The following PKIG variants were observed in gnomAD, a reference collection of about 807,000 sequenced individuals.
PKIG encodes protein kinase (cAMP-dependent, catalytic) inhibitor gamma.
In PKIG, 1 loss-of-function variant was observed where a neutral mutation model predicts 6.8. The ratio of observed to expected loss-of-function variants is 0.15; its 90% CI spans 0.05 to 0.69. The LOEUF (loss-of-function observed/expected upper bound fraction) is 0.69. Among genes scored for constraint, PKIG ranks in the 30% least tolerant of loss-of-function variants. The pLI is 0.82. For synonymous variants in PKIG, 39 were observed against 43.0 expected (o/e 0.91, Z 0.36); for missense variants, 77 against 104.0 (o/e 0.74, Z 1.13).
At chr20:44,547,298 TAGAG>T (rs970620027) in intron 1 of PKIG, among the ~76,000 whole-genome samples, 1 of 152,098 alleles carries the variant, frequency 6.6e-6, no homozygotes, top group Non-Finnish European at 1.5e-5. Context: ...TAAGCAAAAG[TAGAG>T]AGAATGGTAT....
intron 2 of PKIG, among the ~76,000 whole-genome samples, chr20:44,613,445 C>G (rs573920572): frequency 3.3e-5 from 5 of 152,280 alleles, no homozygotes; most frequent in African/African-American, 1.2e-4. Flanking sequence ...TTCTGAGCTC[C>G]AGCCTCCTAG....
chr20:44,615,397 C>T (rs751579037), intron 3 of PKIG, among the ~76,000 whole-genome samples: 5 of 152,258 alleles, frequency 3.3e-5, no homozygotes, highest in African/African-American at 4.8e-5. Flanking sequence ...TAAATGTGAG[C>T]GCCGGGAGGG....
chr20:44,540,074 C>T (rs1002514729), intron 1 of PKIG, among the ~76,000 whole-genome samples: 1 of 152,108 alleles, frequency 6.6e-6, no homozygotes, highest in Non-Finnish European at 1.5e-5. Context: ...TATTCTCCTG[C>T]CTCAGCCTCC....
intron 2 of PKIG, among the ~76,000 whole-genome samples, chr20:44,611,631 C>T (rs1190352782): frequency 2.6e-5 from 4 of 151,954 alleles, no homozygotes; most frequent in Admixed American, 1.3e-4. Flanking sequence ...ATTCTCCTGC[C>T]TCAGCCTCCT....
At chr20:44,578,843 T>G (rs946359766), upstream of PKIG, among the ~76,000 whole-genome samples, 1 of 152,128 alleles carries the variant, frequency 6.6e-6, no homozygotes, top group Non-Finnish European at 1.5e-5. Context: ...CTCATAGAGA[T>G]CCTTATGGGG....
chr20:44,574,798 G>C (rs1157277698), intron 1 of PKIG, among the ~76,000 whole-genome samples: 3 of 151,990 alleles, frequency 2.0e-5, no homozygotes, highest in African/African-American at 7.3e-5. Context: ...TCGAACTCCT[G>C]ACCTCAGGTG....
intron 3 of PKIG, among the ~76,000 whole-genome samples, chr20:44,616,225 C>T (rs1298698797): frequency 1.3e-5 from 2 of 152,156 alleles, no homozygotes; most frequent in Middle Eastern, 3.2e-3. Context: ...ACCGCAGTAC[C>T]CCTCCCAGAC....
chr20:44,563,972 A>T (rs2064789701), intron 1 of PKIG, among the ~76,000 whole-genome samples: 1 of 152,254 alleles, frequency 6.6e-6, no homozygotes, highest in African/African-American at 2.4e-5. Context: ...ATATTTTTAT[A>T]CATAGTCAAA....
intron 1 of PKIG, among the ~76,000 whole-genome samples, chr20:44,558,004 T>C (rs1030582435): frequency 1.3e-5 from 2 of 151,692 alleles, no homozygotes; most frequent in African/African-American, 4.9e-5. Flanking sequence ...TTCTATAAGA[T>C]AACCCCCATA....
intron 2 of PKIG, among the ~76,000 whole-genome samples, chr20:44,605,002 A>G (rs972626014): frequency 5.3e-5 from 8 of 152,108 alleles, no homozygotes; most frequent in African/African-American, 1.9e-4. Flanking sequence ...CAGCAAAAAC[A>G]GCCAGAAAAA....
Position 44,614,385 on chromosome 20 carries a change from T to A in PKIG, c.-23-149T>A. The A allele has an allele frequency of 1.7e-6, 1 of 593,866 alleles. No individual in the cohort carries two copies. Among genetic ancestry groups the A allele is most frequent in the African/African-American group, 1.8e-5 (1 of 54,088 alleles). 36.8% of individuals were successfully genotyped at this position (593,866 alleles called of 1,614,324 possible). A position where few individuals can be genotyped will look rare whatever the true frequency, so the allele number is the denominator to read the frequency against. On this transcript the variant is annotated intron_variant, in intron 2 of 3. Coordinates refer to ENST00000372886, the MANE Select transcript of PKIG (RefSeq NM_001281445.2). This position sits in a 1 kb window ranked among gnomAD's most constrained non-coding sequence, Gnocchi z 4.6. ...GAATTATGAGTGACTTGTTTTGTTC[T>A]TTGTACTTTTCTGTGCTTTTTGCTT...
chr20:44,616,303 G>A (rs2065263949), intron 3 of PKIG, among the ~76,000 whole-genome samples: 3 of 152,174 alleles, frequency 2.0e-5, no homozygotes, highest in Admixed American at 1.3e-4. Context: ...GCTCTAGACT[G>A]AGCTTCTCCA....
At chr20:44,601,115 C>T (rs920505962) in intron 2 of PKIG, among the ~76,000 whole-genome samples, 12 of 152,210 alleles carry the variant, frequency 7.9e-5, no homozygotes, top group African/African-American at 1.4e-4. Context: ...GAGAATGGTC[C>T]GGGAAGAAAT....
chr20:44,565,127 C>T (rs1445577698), intron 1 of PKIG, among the ~76,000 whole-genome samples: 2 of 152,142 alleles, frequency 1.3e-5, no homozygotes, highest in Non-Finnish European at 2.9e-5. Flanking sequence ...CCTTTCTCAC[C>T]ATTCTAACTA....
intron 1 of PKIG, among the ~76,000 whole-genome samples, chr20:44,532,546 G>C (rs1351900499): frequency 6.6e-6 from 1 of 152,170 alleles, no homozygotes; most frequent in African/African-American, 2.4e-5. Context: ...GTGAACGAGA[G>C]ACATCGTGTC....
chr20:44,571,846 T>G (rs973409159), intron 1 of PKIG, among the ~76,000 whole-genome samples: 13 of 152,252 alleles, frequency 8.5e-5, no homozygotes, highest in South Asian at 2.1e-4. Flanking sequence ...TGGTGAACAC[T>G]GTACACTACC....
rs545295437 is a variant in PKIG at position 44,588,479 on chromosome 20, TAAAA to T, written c.-93-1314_-93-1311del. On this transcript the variant is annotated intron_variant, in intron 1 of 3. Coordinates refer to ENST00000372886, the MANE Select transcript of PKIG (RefSeq NM_001281445.2). ...CAACATGGTGAAACCCCGTCTGTAC[TAAAA>T]AAATACAAAAATTAGCCGGGCGCGG... 1.6e-4 allele frequency among the ~76,000 whole-genome samples: 24 copies of T among 152,066 alleles called. 1 individual carries two copies. The South Asian group carries it at 5.0e-3, about 32-fold the overall frequency.
chr20:44,588,413 G>A (rs768577707), intron 1 of PKIG, among the ~76,000 whole-genome samples: 4 of 152,168 alleles, frequency 2.6e-5, no homozygotes, highest in East Asian at 1.9e-4. Context: ...AGGCCAAGGC[G>A]AGTGGATCAC....
At chr20:44,601,112 G>T (rs2065118152) in intron 2 of PKIG, among the ~76,000 whole-genome samples, 1 of 152,190 alleles carries the variant, frequency 6.6e-6, no homozygotes, top group African/African-American at 2.4e-5. Context: ...GAAGAGAATG[G>T]TCCGGGAAGA....
Sources: gnomAD v4.1 joint callset for allele counts (sites outside exome capture counted in the v4.1 genomes callset) on GRCh38, gnomAD v4.1.1 for gene constraint, Gnocchi (gnomAD v3.1) non-coding constraint, MANE v1.5 for transcripts, NCBI Gene and HGNC (gene_info 2026-07-23, HGNC 2026-07-21) for gene names.